Variants in TVP23A observed in about 807,000 individuals in gnomAD.
TVP23A encodes Golgi apparatus membrane protein TVP23 homolog A.
Under a neutral mutation model 31.7 loss-of-function variants are expected in TVP23A, and 21 were observed. The observed-to-expected ratio is 0.66, with a 90% CI of 0.47 to 0.95. TVP23A has a LOEUF of 0.95. TVP23A is among the 40% of genes least tolerant of loss of function. The probability of loss-of-function intolerance (pLI) is 0.00; values close to 1 mark genes in which losing one functional copy is unlikely to be tolerated. For missense variants in TVP23A, 279 were observed against 255.6 expected (o/e 1.09, Z -0.62); for synonymous variants, 104 against 96.0 (o/e 1.08, Z -0.49).
At chr16:10,790,244 T>A (rs973612174) in intron 2 of TVP23A, among the ~76,000 whole-genome samples, 1 of 151,978 alleles carries the variant, frequency 6.6e-6, no homozygotes, top group African/African-American at 2.4e-5. Context: ...CAGGACCATT[T>A]CAAAATATGA....
At chr16:10,803,211 G>A (rs1354007388) in intron 2 of TVP23A, among the ~76,000 whole-genome samples, 2 of 150,920 alleles carry the variant, frequency 1.3e-5, no homozygotes, top group Non-Finnish European at 2.9e-5. Flanking sequence ...TTGAACCCAG[G>A]AGGCGGAGGT....
chr16:10,767,725 C>G lies in TVP23A; in HGVS notation c.*1377G>C. On this transcript the variant is annotated 3_prime_UTR_variant, in exon 8 of 8. Coordinates refer to ENST00000299866, the MANE Select transcript of TVP23A (RefSeq NM_001079512.4). This position sits in a 1 kb window ranked among gnomAD's most constrained non-coding sequence, Gnocchi z 4.6. ...TGTAGGGCCCTGGAACCTGCATTTT[C>G]TGTACACCACCTGATTATTTAGCCA... 1 of 570,948 alleles carries G rather than the reference C, an allele frequency of 1.8e-6. No homozygotes were observed. Among genetic ancestry groups the G allele is most frequent in the Non-Finnish European group, 3.1e-6 (1 of 320,354 alleles). The allele number at this position is 570,948 out of a possible 1,614,324, so 35.4% of individuals were successfully genotyped here.
chr16:10,779,998 GA>G lies in TVP23A; in HGVS notation c.90-4903del, dbSNP rs2032321357. ...AGCTACTCGGGAGGCTGAGGCAGGG[GA>G]ATTGCTTGAACCCAGGAGGCAAAGT... On this transcript the variant is annotated intron_variant, in intron 2 of 7. Transcript: ENST00000299866. The surrounding 1 kb of genome is among the most constrained non-coding windows in gnomAD (Gnocchi z 4.9). 6.6e-6 allele frequency among the ~76,000 whole-genome samples: 1 copy of G among 152,096 alleles called. No individual in the cohort carries two copies. The highest frequency in any genetic ancestry group is 6.6e-5 in the Admixed American group (1 of 15,238).
chr16:10,797,953 TTC>T (rs2033482878), intron 2 of TVP23A, among the ~76,000 whole-genome samples: 1 of 148,802 alleles, frequency 6.7e-6, no homozygotes, highest in Non-Finnish European at 1.5e-5. Context: ...TTTTTTCTTT[TTC>T]TTTTTTTTTT....
intron 2 of TVP23A, among the ~76,000 whole-genome samples, chr16:10,803,598 A>G (rs192651113): frequency 3.9e-5 from 6 of 152,322 alleles, no homozygotes; most frequent in Admixed American, 3.9e-4. Context: ...GAGAATGGCC[A>G]ACGGTGCAGG....
At chr16:10,780,449 C>G (rs1441070126) in intron 2 of TVP23A, among the ~76,000 whole-genome samples, 2 of 152,184 alleles carry the variant, frequency 1.3e-5, no homozygotes, top group Non-Finnish European at 2.9e-5. Context: ...TTGTCACATT[C>G]CAGCCTTTGT....
intron 8 of TVP23A, chr16:10,761,620 A>G (rs1280159154): frequency 1.4e-5 from 14 of 979,656 alleles, no homozygotes; most frequent in African/African-American, 5.0e-5. Flanking sequence ...TGCTGACTAA[A>G]GGAAAGTTCT....
At chr16:10,814,079 T>G (rs2034325986) in intron 2 of TVP23A, among the ~76,000 whole-genome samples, 2 of 152,050 alleles carry the variant, frequency 1.3e-5, no homozygotes, top group South Asian at 4.1e-4. Flanking sequence ...TCTCAGGATT[T>G]TAGAGCCATC....
intron 2 of TVP23A, among the ~76,000 whole-genome samples, chr16:10,790,188 G>C (rs1421480560): frequency 2.0e-5 from 3 of 151,840 alleles, no homozygotes; most frequent in Non-Finnish European, 2.9e-5. Context: ...TATGTTAATA[G>C]AGATTCTTTA....
downstream of TVP23A, chr16:10,761,786 C>T (rs749583634): frequency 1.2e-5 from 19 of 1,613,872 alleles, no homozygotes; most frequent in East Asian, 4.5e-5. Context: ...CTCCCACAAC[C>T]GGGGGCGCGG....
chr16:10,791,414 T>C (rs945190479), intron 2 of TVP23A, among the ~76,000 whole-genome samples: 1 of 152,196 alleles, frequency 6.6e-6, no homozygotes, highest in Middle Eastern at 3.2e-3. Flanking sequence ...TTCCTTTTAA[T>C]GAAAATCAGC....
At position 10,767,006 on chromosome 16, in the gene TVP23A, A is replaced by T; in HGVS notation, c.*2096T>A. On this transcript the variant is annotated 3_prime_UTR_variant, in exon 8 of 8. Coordinates refer to ENST00000299866, the MANE Select transcript of TVP23A (RefSeq NM_001079512.4). The surrounding 1 kb of genome is among the most constrained non-coding windows in gnomAD (Gnocchi z 4.6). ...CCCCTCCCCACAGGCTTCTTCCCCGACTTGGACTTCCCTGTCCCACAGGGC... is the reference window on the plus strand; with the variant it reads ...CCCCTCCCCACAGGCTTCTTCCCCGTCTTGGACTTCCCTGTCCCACAGGGC... 2.5e-6 allele frequency: 1 copy of T among 398,570 alleles called. No homozygotes were observed. 24.7% of individuals were successfully genotyped at this position (398,570 alleles called of 1,614,324 possible).
rs2032134840 is a variant in TVP23A at position 10,777,662 on chromosome 16, T to TC, written c.90-2567dup. Among the ~76,000 whole-genome samples, 1 of 152,168 alleles carries TC rather than the reference T, an allele frequency of 6.6e-6. No homozygotes were observed. Among genetic ancestry groups the TC allele is most frequent in the Non-Finnish European group, 1.5e-5 (1 of 68,016 alleles). The stretch of plus-strand genomic sequence containing the variant: ...CATCTGAGCCTCTCAGGCTCTTGGC[T>TC]CTCCTGGTGACCTGAATGAAAACCA... On this transcript the variant is annotated intron_variant, in intron 2 of 7. Transcript: ENST00000299866. The surrounding 1 kb of genome is among the most constrained non-coding windows in gnomAD (Gnocchi z 4.5).
At chr16:10,769,976 C>G (rs927873227) in intron 7 of TVP23A, among the ~76,000 whole-genome samples, 3 of 152,154 alleles carry the variant, frequency 2.0e-5, no homozygotes, top group African/African-American at 7.2e-5. Context: ...CTTTCCCTCC[C>G]TTGTCTCTTC....
At chr16:10,769,987 C>T (rs1210462367) in intron 7 of TVP23A, among the ~76,000 whole-genome samples, 3 of 152,192 alleles carry the variant, frequency 2.0e-5, no homozygotes, top group Non-Finnish European at 2.9e-5. Flanking sequence ...TTGTCTCTTC[C>T]CTCCCCGCCC....
chr16:10,803,271 G>GTGTGTGTGTGTGTGTC (rs2033794177), intron 2 of TVP23A, among the ~76,000 whole-genome samples: 1 of 151,892 alleles, frequency 6.6e-6, no homozygotes, highest in African/African-American at 2.4e-5. Context: ...GTGTGTGTGT[G>GTGTGTGTGTGTGTGTC]TGTGTGTGTG....
Position 10,767,553 on chromosome 16 carries a change from G to GTTT in TVP23A, c.*1548_*1549insAAA, listed in dbSNP as rs1773206216. On this transcript the variant is annotated 3_prime_UTR_variant, in exon 8 of 8. Coordinates refer to ENST00000299866, the MANE Select transcript of TVP23A (RefSeq NM_001079512.4). This position sits in a 1 kb window ranked among gnomAD's most constrained non-coding sequence, Gnocchi z 4.6. ...TGGAAAGACACCTAGAACACTAGTA[G>GTTT]CCCTTTTCGGACTTGGCCTTTTATG... The GTTT allele has an allele frequency of 2.2e-6, 1 of 454,030 alleles. No individual in the cohort carries two copies. Among genetic ancestry groups the GTTT allele is most frequent in the South Asian group, 6.4e-5 (1 of 15,514 alleles). The allele number at this position is 454,030 out of a possible 1,614,324, so 28.1% of individuals were successfully genotyped here.
At chr16:10,780,715 C>T (rs1736514768) in intron 2 of TVP23A, among the ~76,000 whole-genome samples, 1 of 152,176 alleles carries the variant, frequency 6.6e-6, no homozygotes, top group Non-Finnish European at 1.5e-5. Context: ...TCCTAAGACA[C>T]TGAAAACATC....
downstream of TVP23A, chr16:10,762,152 G>A (rs1019761264): frequency 4.1e-5 from 11 of 271,264 alleles, no homozygotes; most frequent in Non-Finnish European, 4.9e-5. Context: ...GAGGGCACCC[G>A]ATAGAGGGGC....
Sources: gnomAD v4.1 joint callset for allele counts (sites outside exome capture counted in the v4.1 genomes callset) on GRCh38, gnomAD v4.1.1 for gene constraint, Gnocchi (gnomAD v3.1) non-coding constraint, MANE v1.5 for transcripts, NCBI Gene and HGNC (gene_info 2026-07-23, HGNC 2026-07-21) for gene names.